Variants in DPYD observed in about 807,000 individuals in gnomAD.
DPYD encodes the protein dihydropyrimidine dehydrogenase.
DPYD carries 109 observed loss-of-function variants against 116.2 expected under a neutral mutation model. The observed-to-expected ratio is 0.94, with a 90% CI of 0.80 to 1.10. DPYD has a LOEUF of 1.10. Among genes scored for constraint, DPYD ranks in the 50% least tolerant of loss-of-function variants. DPYD has a pLI of 0.00. For synonymous variants in DPYD, 440 were observed against 432.0 expected (o/e 1.02, Z -0.23); for missense variants, 1,302 against 1,254.5 (o/e 1.04, Z -0.57).
chr1:97,443,407 C>CA (rs1675909649), intron 14 of DPYD, among the ~76,000 whole-genome samples: 1 of 152,046 alleles, frequency 6.6e-6, no homozygotes, highest in African/African-American at 2.4e-5. Flanking sequence ...AGCTCTAGCA[C>CA]AAAAAAACTG....
chr1:97,838,523 C>T (rs1261619910), intron 2 of DPYD, among the ~76,000 whole-genome samples: 2 of 152,144 alleles, frequency 1.3e-5, no homozygotes, highest in African/African-American at 2.4e-5. Context: ...TGTGTTTCCT[C>T]GGAGTAGAAA....
chr1:97,380,081 A>G (rs1448156764), intron 15 of DPYD, among the ~76,000 whole-genome samples: 1 of 152,156 alleles, frequency 6.6e-6, no homozygotes, highest in Non-Finnish European at 1.5e-5. Context: ...CTCGGGCTCT[A>G]TTTTCAAGGC....
At chr1:97,572,000 T>C (rs1652932228) in intron 11 of DPYD, among the ~76,000 whole-genome samples, 1 of 151,904 alleles carries the variant, frequency 6.6e-6, no homozygotes, top group Admixed American at 6.6e-5. Context: ...TAACTTCTTA[T>C]TAAAGTAAAC....
In DPYD at chr1:97,485,200, T is replaced by C. The variant is rs1055895904; in HGVS notation, c.1740+30526A>G. On this transcript the variant is annotated intron_variant, in intron 13 of 22. Coordinates refer to ENST00000370192, the MANE Select transcript of DPYD (RefSeq NM_000110.4). ...TTACTAGAACTCTGACATACTCTCGTTTGTTTTTATTTATTTAGACAGAGT... is the reference window on the plus strand; with the variant it reads ...TTACTAGAACTCTGACATACTCTCGCTTGTTTTTATTTATTTAGACAGAGT... Among the ~76,000 whole-genome samples the C allele has an allele frequency of 1.6e-4, 24 of 152,176 alleles. 1 individual carries two copies. Among genetic ancestry groups the C allele is most frequent in the Admixed American group, 5.9e-4 (9 of 15,272 alleles).
At chr1:97,598,533 C>T (rs1342957824) in intron 8 of DPYD, among the ~76,000 whole-genome samples, 1 of 145,310 alleles carries the variant, frequency 6.9e-6, no homozygotes, top group Non-Finnish European at 1.5e-5. Context: ...TTTTAGCATG[C>T]ATTTATACAA....
At chr1:97,313,051 G>A (rs1209116625) in intron 16 of DPYD, among the ~76,000 whole-genome samples, 1 of 151,810 alleles carries the variant, frequency 6.6e-6, no homozygotes, top group Non-Finnish European at 1.5e-5. Context: ...TGAAACTAGA[G>A]TCTGCAAGGA....
intron 16 of DPYD, among the ~76,000 whole-genome samples, chr1:97,307,395 C>A (rs764679052): frequency 6.6e-5 from 10 of 151,714 alleles, no homozygotes; most frequent in Non-Finnish European, 1.2e-4. Context: ...TTGCTCTTTG[C>A]ATTTTAACCT....
chr1:97,299,166 G>C (rs1243136181), intron 18 of DPYD, among the ~76,000 whole-genome samples: 1 of 152,030 alleles, frequency 6.6e-6, no homozygotes, highest in Non-Finnish European at 1.5e-5. Context: ...CAGTAGATAT[G>C]CATGAATCTG....
chr1:97,711,413 T>C (rs932096610), intron 5 of DPYD, among the ~76,000 whole-genome samples: 4 of 151,962 alleles, frequency 2.6e-5, no homozygotes, highest in Non-Finnish European at 4.4e-5. Flanking sequence ...ATTTATCGCA[T>C]ACAGTACTGA....
intron 13 of DPYD, among the ~76,000 whole-genome samples, chr1:97,453,988 T>C (rs544244266): frequency 6.6e-6 from 1 of 152,162 alleles, no homozygotes; most frequent in Non-Finnish European, 1.5e-5. Flanking sequence ...AAAAGGTCCT[T>C]TATAACTTCT....
intron 14 of DPYD, among the ~76,000 whole-genome samples, chr1:97,420,521 A>T (rs1419369349): frequency 6.6e-6 from 1 of 152,050 alleles, no homozygotes; most frequent in Non-Finnish European, 1.5e-5. Flanking sequence ...TCCAAAATGC[A>T]AGCAGGATCA....
intron 3 of DPYD, among the ~76,000 whole-genome samples, chr1:97,746,942 G>GTT (rs953809330): frequency 1.4e-5 from 2 of 147,108 alleles, no homozygotes; most frequent in African/African-American, 5.0e-5. Flanking sequence ...AGTGGTGTGT[G>GTT]TTTTTTTTTT....
At chr1:97,780,870 T>C (rs1666702926) in intron 3 of DPYD, among the ~76,000 whole-genome samples, 2 of 152,214 alleles carry the variant, frequency 1.3e-5, no homozygotes, top group Admixed American at 1.3e-4. Flanking sequence ...TGCTTGATAC[T>C]ATTTCAGATA....
intron 8 of DPYD, among the ~76,000 whole-genome samples, chr1:97,657,966 G>A (rs943827067): frequency 3.9e-4 from 60 of 152,162 alleles, no homozygotes; most frequent in Admixed American, 1.6e-3. Flanking sequence ...AAACACTTTT[G>A]AGACCAATAG....
chr1:97,129,068 T>C (rs1204272327), intron 20 of DPYD, among the ~76,000 whole-genome samples: 1 of 138,240 alleles, frequency 7.2e-6, no homozygotes, highest in Non-Finnish European at 1.5e-5. Context: ...CCTGCTGTAT[T>C]CTTTTTTTTT....
At chr1:97,169,796 A>G (rs1331553218) in intron 20 of DPYD, among the ~76,000 whole-genome samples, 1 of 152,146 alleles carries the variant, frequency 6.6e-6, no homozygotes, top group African/African-American at 2.4e-5. Flanking sequence ...CTCTTGCTGT[A>G]TGCACACTTA....
intron 3 of DPYD, among the ~76,000 whole-genome samples, chr1:97,792,001 A>G (rs1557965085): frequency 6.6e-6 from 1 of 152,184 alleles, no homozygotes; most frequent in Admixed American, 6.5e-5. Context: ...AAAAAAAACT[A>G]TATTTTTAAA....
chr1:97,579,332 T>C (rs149028327), intron 10 of DPYD, among the ~76,000 whole-genome samples: 124 of 152,282 alleles, frequency 8.1e-4, no homozygotes, highest in African/African-American at 2.9e-3. Flanking sequence ...AACATTCAAA[T>C]TAAGGAAAGT....
intron 13 of DPYD, among the ~76,000 whole-genome samples, chr1:97,459,743 T>G (rs1240159895): frequency 6.6e-6 from 1 of 152,096 alleles, no homozygotes; most frequent in Non-Finnish European, 1.5e-5. Context: ...TAGAGAAAAT[T>G]AATGAACTAA....
Sources: allele counts gnomAD v4.1 joint callset (sites outside exome capture counted in the v4.1 genomes callset), GRCh38; gene constraint gnomAD v4.1.1; transcripts MANE v1.5; gene names NCBI Gene and HGNC (gene_info 2026-07-23, HGNC 2026-07-21).